The following ARL15 variants were observed in gnomAD, a reference collection of about 807,000 sequenced individuals.
ARL15 encodes ADP-ribosylation factor-like protein 15.
In ARL15, 19 loss-of-function variants were observed where a neutral mutation model predicts 25.2. That is an observed-to-expected ratio of 0.75 (90% CI 0.53 to 1.10). The LOEUF (loss-of-function observed/expected upper bound fraction) is 1.10, where lower values mean the gene tolerates loss of function less well. Ranked by LOEUF, ARL15 falls within the 50% of genes least tolerant of loss-of-function variation. ARL15 has a pLI of 0.00. For synonymous variants in ARL15, 94 were observed against 86.8 expected, an observed-to-expected ratio of 1.08 and a Z score of -0.46; for missense variants, 220 against 246.0, an observed-to-expected ratio of 0.89 and a Z score of 0.71.
chr5:54,073,744 T>C (rs938752123), intron 4 of ARL15, among the ~76,000 whole-genome samples: 2 of 152,192 alleles, frequency 1.3e-5, no homozygotes, highest in Non-Finnish European at 2.9e-5. Context: ...GTCCCCTTGA[T>C]TAAAAGAAAA....
intron 4 of ARL15, among the ~76,000 whole-genome samples, chr5:53,954,076 C>G (rs1747062787): frequency 6.9e-6 from 1 of 145,630 alleles, no homozygotes; most frequent in Non-Finnish European, 1.5e-5. Context: ...TCCATACAAG[C>G]TATTTCTCAT....
chr5:53,983,401 T>C (rs975240024), intron 4 of ARL15, among the ~76,000 whole-genome samples: 1 of 152,192 alleles, frequency 6.6e-6, no homozygotes, highest in African/African-American at 2.4e-5. Flanking sequence ...TACCCATTTA[T>C]AAGAAACTTC....
intron 1 of ARL15, among the ~76,000 whole-genome samples, chr5:54,287,804 G>A (rs1449062092): frequency 6.6e-6 from 1 of 152,146 alleles, no homozygotes; most frequent in Non-Finnish European, 1.5e-5. Flanking sequence ...AGGCCCACAA[G>A]CAAGATGCCA....
rs180937914 is a variant in ARL15, at chr5:54,175,403, C to T, written c.49-3475G>A. 2.0e-3 allele frequency among the ~76,000 whole-genome samples: 298 copies of T among 151,764 alleles called. 1 individual carries two copies. Among genetic ancestry groups the T allele is most frequent in the African/African-American group, 6.8e-3 (282 of 41,370 alleles). Reference sequence around the variant, plus strand: ...GGGCTGGAGTGCAATGGCACAATCTCGGCTCACAGCAACCTCCACCTCCCG... The same window carrying T: ...GGGCTGGAGTGCAATGGCACAATCTTGGCTCACAGCAACCTCCACCTCCCG... On this transcript the variant is annotated intron_variant, in intron 1 of 4. Transcript: ENST00000504924.
chr5:54,221,114 G>A (rs187223410), intron 1 of ARL15, among the ~76,000 whole-genome samples: 24 of 152,212 alleles, frequency 1.6e-4, no homozygotes, highest in Admixed American at 1.3e-3. Context: ...CACAGTTTGG[G>A]CATATACGAG....
intron 1 of ARL15, among the ~76,000 whole-genome samples, chr5:54,199,396 C>T (rs945561024): frequency 5.3e-5 from 8 of 151,666 alleles, no homozygotes; most frequent in Admixed American, 1.3e-4. Flanking sequence ...GCAACCTACT[C>T]ATCTGACAAA....
chr5:53,933,203 C>A (rs1746248278), intron 4 of ARL15, among the ~76,000 whole-genome samples: 1 of 152,026 alleles, frequency 6.6e-6, no homozygotes, highest in African/African-American at 2.4e-5. Flanking sequence ...AAGGTCTGGG[C>A]AAGGGGGTAT....
At chr5:54,186,736 G>A (rs1420986623) in intron 1 of ARL15, among the ~76,000 whole-genome samples, 1 of 151,882 alleles carries the variant, frequency 6.6e-6, no homozygotes. Flanking sequence ...CTTAAATTAT[G>A]TTTCTTGAAT....
At chr5:53,989,095 A>G (rs1166261977) in intron 4 of ARL15, among the ~76,000 whole-genome samples, 3 of 152,182 alleles carry the variant, frequency 2.0e-5, no homozygotes, top group African/African-American at 7.2e-5. Context: ...AGTCCAGACT[A>G]TGCAGTCAGT....
chr5:54,175,427 C>T (rs541496147), intron 1 of ARL15, among the ~76,000 whole-genome samples: 2 of 152,118 alleles, frequency 1.3e-5, no homozygotes, highest in East Asian at 1.9e-4. Context: ...CTCCACCTCC[C>T]GGGTTCAAGT....
At chr5:54,302,512 G>A (rs1182530502) in intron 1 of ARL15, among the ~76,000 whole-genome samples, 1 of 152,012 alleles carries the variant, frequency 6.6e-6, no homozygotes, top group Non-Finnish European at 1.5e-5. Flanking sequence ...CCAGACACTA[G>A]ACTAGATTCC....
Position 54,134,630 on chromosome 5 carries a change from G to A in ARL15, c.253+19950C>T, listed in dbSNP as rs181681092. On this transcript the variant is annotated intron_variant, in intron 3 of 4. Coordinates refer to ENST00000504924, the MANE Select transcript of ARL15 (RefSeq NM_019087.3). Reference sequence around the variant, plus strand: ...AGACAGAGTCTTGCTCTCTCGCCAGGCTGGAGTGCAGTGGCACAATCTCGG... The same window carrying A: ...AGACAGAGTCTTGCTCTCTCGCCAGACTGGAGTGCAGTGGCACAATCTCGG... 1.3e-3 allele frequency among the ~76,000 whole-genome samples: 167 copies of A among 125,582 alleles called. 3 individuals are homozygous for A. Among genetic ancestry groups the A allele is most frequent in the Admixed American group, 8.2e-3 (81 of 9,930 alleles). The allele number at this position is 125,582 out of a possible 152,430, so 82.4% of individuals were successfully genotyped here.
intron 1 of ARL15, among the ~76,000 whole-genome samples, chr5:54,257,727 G>A (rs1469522782): frequency 2.0e-5 from 3 of 152,174 alleles, no homozygotes; most frequent in African/African-American, 7.2e-5. Flanking sequence ...CAGAGAAGAG[G>A]ATACTGGTTT....
chr5:54,295,185 TA>T (rs1414122282), intron 1 of ARL15, among the ~76,000 whole-genome samples: 1 of 152,252 alleles, frequency 6.6e-6, no homozygotes, highest in Non-Finnish European at 1.5e-5. Flanking sequence ...TCGAAATTTT[TA>T]CTGAGTCCAT....
At chr5:54,066,205 G>C (rs1458137691) in intron 4 of ARL15, among the ~76,000 whole-genome samples, 3 of 152,136 alleles carry the variant, frequency 2.0e-5, no homozygotes, top group Non-Finnish European at 4.4e-5. Flanking sequence ...TCCTATACTA[G>C]AGACCACATG....
intron 3 of ARL15, among the ~76,000 whole-genome samples, chr5:54,117,863 C>T (rs1424450627): frequency 6.6e-6 from 1 of 152,114 alleles, no homozygotes; most frequent in African/African-American, 2.4e-5. Flanking sequence ...TGTTTTCAAG[C>T]AAAAGCTAGA....
At chr5:54,046,961 C>T (rs1476783549) in intron 4 of ARL15, among the ~76,000 whole-genome samples, 3 of 152,126 alleles carry the variant, frequency 2.0e-5, no homozygotes, top group African/African-American at 7.2e-5. Context: ...TCAACATGCT[C>T]GGTCTTTATC....
chr5:54,042,390 G>A (rs1233182545), intron 4 of ARL15, among the ~76,000 whole-genome samples: 2 of 152,150 alleles, frequency 1.3e-5, no homozygotes, highest in African/African-American at 4.8e-5. Flanking sequence ...TATCTTGTCG[G>A]TATCATTATC....
At chr5:53,986,418 C>A (rs1361770273) in intron 4 of ARL15, among the ~76,000 whole-genome samples, 11 of 152,182 alleles carry the variant, frequency 7.2e-5, no homozygotes, top group African/African-American at 2.2e-4. Context: ...TCTAACAGAG[C>A]TAAGAGTTCA....
Sources: gnomAD v4.1 joint callset for allele counts (sites outside exome capture counted in the v4.1 genomes callset) on GRCh38, gnomAD v4.1.1 for gene constraint, MANE v1.5 for transcripts, NCBI Gene and HGNC (gene_info 2026-07-23, HGNC 2026-07-21) for gene names.